Variants in GIGYF2 observed in about 807,000 individuals in gnomAD.
The protein encoded by GIGYF2 is GRB10-interacting GYF protein 2.
In GIGYF2, 25 loss-of-function variants were observed where a neutral mutation model predicts 208.1. The observed-to-expected ratio is 0.12, with a 90% CI of 0.09 to 0.17. The LOEUF (loss-of-function observed/expected upper bound fraction) is 0.17. Ranked by LOEUF, GIGYF2 falls within the 10% of genes least tolerant of loss-of-function variation. The pLI is 1.00. For missense variants in GIGYF2, 1,302 were observed against 1,579.4 expected, an observed-to-expected ratio of 0.82 and a Z score of 2.98; for synonymous variants, 534 against 543.8, an observed-to-expected ratio of 0.98 and a Z score of 0.25.
intron 5 of GIGYF2, among the ~76,000 whole-genome samples, chr2:232,752,410 T>C (rs1698367281): frequency 6.6e-6 from 1 of 152,206 alleles, no homozygotes; most frequent in Admixed American, 6.5e-5. Flanking sequence ...TATACTGACA[T>C]ACTCATTCTC....
intron 8 of GIGYF2, among the ~76,000 whole-genome samples, chr2:232,776,170 G>C (rs1296611574): frequency 6.6e-6 from 1 of 151,522 alleles, no homozygotes; most frequent in Admixed American, 6.6e-5. Flanking sequence ...TTTTTCCTAA[G>C]GCCTTTATCC....
chr2:232,840,005 C>T (rs747691415), intron 23 of GIGYF2, 34 bp downstream of exon 23: 10 of 1,605,042 alleles, frequency 6.2e-6, no homozygotes, highest in East Asian at 2.2e-5. Context: ...TCTAGTCAAG[C>T]GATGTTCCAG....
At chr2:232,710,001 C>T (rs186674436) in intron 2 of GIGYF2, among the ~76,000 whole-genome samples, 2,312 of 151,700 alleles carry the variant, frequency 0.015, 68 homozygotes, top group African/African-American at 0.053. Context: ...GCTTTGTCGC[C>T]CAGGCTGGAG....
intron 2 of GIGYF2, among the ~76,000 whole-genome samples, chr2:232,726,904 T>C (rs1697226431): frequency 1.3e-5 from 2 of 152,228 alleles, no homozygotes; most frequent in Admixed American, 1.3e-4. Context: ...GGTTGTTTAT[T>C]GCAGCATTGT....
At chr2:232,817,115 T>C (rs952729911) in intron 20 of GIGYF2, 83 bp downstream of exon 20, 50 of 1,023,576 alleles carry the variant, frequency 4.9e-5, no homozygotes, top group Admixed American at 6.8e-5. Flanking sequence ...TCACAGATAC[T>C]CCTGAAGTCC....
chr2:232,833,002 A>G lies in GIGYF2; in HGVS notation c.2675A>G (p.Gln892Arg). 1.3e-6 allele frequency: 2 copies of G among 1,572,526 alleles called. No homozygotes were observed. The highest frequency in any genetic ancestry group is 8.6e-7 in the Non-Finnish European group (1 of 1,158,508). Residue 892 changes from glutamine to arginine, a missense_variant, in exon 22 of 29, where the codon CAG becomes CGG. Gln to Arg is a conservative substitution (Grantham distance 43). Coordinates refer to ENST00000373563, the MANE Select transcript of GIGYF2 (RefSeq NM_001103146.3). ...AGAAAGGAGCTGGAGGTCCAGCGGC[A>G]GAAGGAGTTAATGCGCCAGAGGCAG... ...RKRKELEVQR[Q>R]KELMRQRQQQ...
At chr2:232,712,351 C>T (rs566085690) in intron 2 of GIGYF2, among the ~76,000 whole-genome samples, 4 of 152,326 alleles carry the variant, frequency 2.6e-5, no homozygotes, top group South Asian at 2.1e-4. Context: ...TTTCCCATTT[C>T]ATCATGTAGA....
chr2:232,767,691 G>A, intron 8 of GIGYF2: 1 of 163,302 alleles, frequency 6.1e-6, no homozygotes, highest in Non-Finnish European at 1.3e-5. Context: ...AAGTTTCATA[G>A]TATAAAGAAC....
At chr2:232,768,269 G>A (rs747562741) in intron 8 of GIGYF2, 2 of 1,614,000 alleles carry the variant, frequency 1.2e-6, no homozygotes, top group East Asian at 2.2e-5. Context: ...GGTCAGTCCT[G>A]TTTGGGCTTT....
rs199602228 is a variant in GIGYF2, at chr2:232,772,801, T to C, written c.532+11365T>C. 4.1e-4 allele frequency among the ~76,000 whole-genome samples: 62 copies of C among 152,194 alleles called. 2 individuals carry two copies. Among genetic ancestry groups the C allele is most frequent in the Non-Finnish European group, 8.8e-5 (6 of 68,024 alleles). On this transcript the variant is annotated intron_variant, in intron 8 of 28. Transcript: ENST00000373563. ...GAGTGCTGCATACCCACTTCCTGCC[T>C]TTTAATGGGGCTTGAGAAGGGCACT...
At chr2:232,795,121 T>G (rs1256068864) in intron 13 of GIGYF2, among the ~76,000 whole-genome samples, 177 bp downstream of exon 13, 3 of 152,252 alleles carry the variant, frequency 2.0e-5, no homozygotes, top group Admixed American at 1.3e-4. Flanking sequence ...TGCTTATAAG[T>G]TTCTGCTATG....
chr2:232,795,179 C>A (rs765960141), intron 13 of GIGYF2, among the ~76,000 whole-genome samples: 7 of 152,146 alleles, frequency 4.6e-5, no homozygotes, highest in Non-Finnish European at 7.4e-5. Context: ...TTGCCCTTAG[C>A]TATTTACTTT....
intron 8 of GIGYF2, among the ~76,000 whole-genome samples, chr2:232,773,411 A>G (rs780956615): frequency 3.9e-5 from 6 of 152,184 alleles, no homozygotes; most frequent in Non-Finnish European, 5.9e-5. Context: ...CACAAGGCAA[A>G]TAGGAGCTTT....
chr2:232,785,679 G>A (rs1699886827), intron 8 of GIGYF2, among the ~76,000 whole-genome samples: 1 of 152,198 alleles, frequency 6.6e-6, no homozygotes, highest in African/African-American at 2.4e-5. Context: ...CAATAAGAAA[G>A]CAGCAGATCA....
chr2:232,846,803 A>G lies in GIGYF2; in HGVS notation c.3461-545A>G, dbSNP rs373988092. 2.0e-5 allele frequency among the ~76,000 whole-genome samples: 3 copies of G among 152,372 alleles called. No homozygotes were observed. The East Asian group carries it at 5.8e-4, about 29-fold the overall frequency. On this transcript the variant is annotated intron_variant, in intron 26 of 28. Coordinates refer to ENST00000373563, the MANE Select transcript of GIGYF2 (RefSeq NM_001103146.3). ...ATAAATTAGGAAACAGAGGCTCAGA[A>G]TGGTTAAATAACTCATCAAGGTCAC...
intron 3 of GIGYF2, chr2:232,736,256 G>A: frequency 2.9e-6 from 2 of 687,548 alleles, no homozygotes; most frequent in Non-Finnish European, 3.6e-6. Flanking sequence ...ACTTGTTTTA[G>A]TTATTCCTTT....
At chr2:232,700,887 A>G (rs938919705) in intron 1 of GIGYF2, among the ~76,000 whole-genome samples, 4 of 152,226 alleles carry the variant, frequency 2.6e-5, no homozygotes, top group African/African-American at 7.2e-5. Flanking sequence ...TAGAGTTTCC[A>G]TTCATTTTTA....
chr2:232,763,003 G>T (rs913050658), intron 8 of GIGYF2, among the ~76,000 whole-genome samples: 3 of 152,048 alleles, frequency 2.0e-5, no homozygotes, highest in African/African-American at 7.2e-5. Context: ...TAGCCCAGGT[G>T]ACAGAGTGAG....
chr2:232,823,363 C>CTTTTTTTTTT (rs368386641), intron 21 of GIGYF2, among the ~76,000 whole-genome samples: 2 of 83,630 alleles, frequency 2.4e-5, no homozygotes, highest in South Asian at 2.6e-4. Context: ...TCCTTTCTTT[C>CTTTTTTTTTT]TTTCTTTTTT....
Sources: gnomAD v4.1 joint callset for allele counts (sites outside exome capture counted in the v4.1 genomes callset) on GRCh38, gnomAD v4.1.1 for gene constraint, MANE v1.5 for transcripts, NCBI Gene and HGNC (gene_info 2026-07-23, HGNC 2026-07-21) for gene names.